The following CHD3 variants were observed in gnomAD, a reference collection of about 807,000 sequenced individuals.
The protein encoded by CHD3 is chromodomain helicase DNA binding protein 3.
A neutral mutation model predicts 248.9 loss-of-function variants in CHD3; 52 were observed. The ratio of observed to expected loss-of-function variants is 0.21; its 90% CI spans 0.17 to 0.26. The LOEUF (loss-of-function observed/expected upper bound fraction) is 0.26, where lower values mean the gene tolerates loss of function less well. Among genes scored for constraint, CHD3 ranks in the 10% least tolerant of loss-of-function variants. CHD3 has a pLI of 1.00. For synonymous variants in CHD3, 985 were observed against 985.2 expected (o/e 1.00, Z 0.00); for missense variants, 1,482 against 2,605.8 (o/e 0.57, Z 9.39).
upstream of CHD3, among the ~76,000 whole-genome samples, chr17:7,887,850 A>T (rs1189164584): frequency 3.3e-5 from 5 of 152,026 alleles, no homozygotes; most frequent in Non-Finnish European, 7.4e-5. Context: ...CGAGGTTGGG[A>T]CTTAGATTTG....
In CHD3 at chr17:7,900,848, T is replaced by G; in HGVS notation, c.2979-4T>G. ...TTCTTTTACACCCCTTTCCTGGCCT[T>G]TAGGAAATACTACAAATACATCCTG... On this transcript the variant is annotated splice_region_variant and splice_polypyrimidine_tract_variant and intron_variant, in intron 18 of 39. Coordinates refer to ENST00000330494, the MANE Select transcript of CHD3 (RefSeq NM_001005273.3). This position sits in a 1 kb window ranked among gnomAD's most constrained non-coding sequence, Gnocchi z 6.5. The G allele has an allele frequency of 6.2e-7, 1 of 1,614,004 alleles. No homozygotes were observed. Among genetic ancestry groups the G allele is most frequent in the South Asian group, 1.1e-5 (1 of 91,046 alleles).
chr17:7,891,640 C>T (rs966965690), intron 4 of CHD3, among the ~76,000 whole-genome samples: 5 of 152,076 alleles, frequency 3.3e-5, no homozygotes, highest in Admixed American at 6.6e-5. Context: ...GCAGGTGGAT[C>T]GCCTGAGGTC....
chr17:7,897,397 T>G lies in CHD3; in HGVS notation c.1919+103T>G. The G allele has an allele frequency of 2.1e-6, 2 of 963,292 alleles. No individual in the cohort carries two copies. The highest frequency in any genetic ancestry group is 3.2e-4 in the Middle Eastern group (1 of 3,122). 59.7% of individuals were successfully genotyped at this position (963,292 alleles called of 1,614,324 possible). ...TTGCTGATTAACCAGGTAATTGATC[T>G]AACCTTGATAACCTCTGCTGTAGCT... is the stretch of plus-strand genomic sequence containing the variant. On this transcript the variant is annotated intron_variant, in intron 11 of 39. Coordinates refer to ENST00000330494, the MANE Select transcript of CHD3 (RefSeq NM_001005273.3). This position sits in a 1 kb window ranked among gnomAD's most constrained non-coding sequence, Gnocchi z 4.8.
At position 7,908,239 on chromosome 17, in the gene CHD3, C is replaced by G. The variant is rs1435153689; in HGVS notation, c.5153-163C>G. Reference sequence around the variant, plus strand: ...CACCTTTATTCTTAATTCTAACGAACCTGGTTAGAACTGAGTTTGTTCCAA... The same window carrying G: ...CACCTTTATTCTTAATTCTAACGAAGCTGGTTAGAACTGAGTTTGTTCCAA... On this transcript the variant is annotated intron_variant, in intron 34 of 39. Transcript: ENST00000330494. This position sits in a 1 kb window ranked among gnomAD's most constrained non-coding sequence, Gnocchi z 5.8. Among the ~76,000 whole-genome samples, 1 of 152,204 alleles carries G rather than the reference C, an allele frequency of 6.6e-6. No homozygotes were observed. Among genetic ancestry groups the G allele is most frequent in the African/African-American group, 2.4e-5 (1 of 41,430 alleles).
In CHD3 at chr17:7,904,658, GTGA is replaced by G. The variant is rs1188764896; in HGVS notation, c.4072+46_4072+48del. Reference sequence around the variant, plus strand: ...CAGATGCAGGCAGTAAAGGGGGGAAGTGATGATGAGTAGGGACTTGAAGGCTGG... The same window carrying G: ...CAGATGCAGGCAGTAAAGGGGGGAAGTGATGAGTAGGGACTTGAAGGCTGG... On this transcript the variant is annotated intron_variant, in intron 25 of 39. Coordinates refer to ENST00000330494, the MANE Select transcript of CHD3 (RefSeq NM_001005273.3). This position sits in a 1 kb window ranked among gnomAD's most constrained non-coding sequence, Gnocchi z 4.4. 11 of 1,571,202 alleles carry G rather than the reference GTGA, an allele frequency of 7.0e-6. No homozygotes were observed. Among genetic ancestry groups the G allele is most frequent in the Non-Finnish European group, 9.6e-6 (11 of 1,146,360 alleles).
rs201309725 is a variant in CHD3 at position 7,908,459 on chromosome 17, A to G, written c.5210A>G (p.Asn1737Ser). 1.9e-5 allele frequency: 30 copies of G among 1,613,958 alleles called. No individual in the cohort carries two copies. The highest frequency in any genetic ancestry group is 1.2e-4 in the Admixed American group (7 of 60,000). The change falls in exon 35 of 40, where the codon AAT becomes AGT. Residue 1737 changes from asparagine to serine, a missense_variant. Asn to Ser is a conservative substitution (Grantham distance 46, BLOSUM62 1). This residue lies in a region of CHD3 where 36 missense variants were observed against 70.4 expected (regional missense o/e 0.51). Coordinates refer to ENST00000330494, the MANE Select transcript of CHD3 (RefSeq NM_001005273.3). The surrounding 1 kb of genome is among the most constrained non-coding windows in gnomAD (Gnocchi z 5.8). ...GCAGCTATTTCCTCGGGGAAACTCA[A>G]TGAGATCTGGCACAGAAGACATGAC... ...ERAAISSGKL[N>S]EIWHRRHDYW...
At position 7,904,954 on chromosome 17, in the gene CHD3, G is replaced by C; in HGVS notation, c.4073-146G>C. The C allele has an allele frequency of 1.4e-6, 1 of 740,126 alleles. No individual in the cohort carries two copies. The highest frequency in any genetic ancestry group is 2.3e-6 in the Non-Finnish European group (1 of 426,810). 45.8% of individuals were successfully genotyped at this position (740,126 alleles called of 1,614,324 possible). A position where few individuals can be genotyped will look rare whatever the true frequency, so the allele number is the denominator to read the frequency against. On this transcript the variant is annotated intron_variant, in intron 25 of 39. Transcript: ENST00000330494. The surrounding 1 kb of genome is among the most constrained non-coding windows in gnomAD (Gnocchi z 4.4). The stretch of plus-strand genomic sequence containing the variant: ...ATATGCGGCTCCCAAGTCAGACTTT[G>C]GGCAGTGATCTGGTGTTCCCAGAAG...
Position 7,910,830 on chromosome 17 carries a change from C to G in CHD3, c.5755-17C>G, listed in dbSNP as rs751533988. ...GACTATGAACTAACTCCAACTTCTG[C>G]TTCCTCTCTGTTCCAGGCCTACCCG... On this transcript the variant is annotated splice_polypyrimidine_tract_variant and intron_variant, in intron 38 of 39. Coordinates refer to ENST00000330494, the MANE Select transcript of CHD3 (RefSeq NM_001005273.3). The surrounding 1 kb of genome is among the most constrained non-coding windows in gnomAD (Gnocchi z 4.7). 34 of 1,584,686 alleles carry G rather than the reference C, an allele frequency of 2.1e-5. No homozygotes were observed. Among genetic ancestry groups the G allele is most frequent in the Non-Finnish European group, 2.8e-5 (33 of 1,169,670 alleles).
At position 7,904,524 on chromosome 17, in the gene CHD3, A is replaced by T. The variant is rs772543789; in HGVS notation, c.3977A>T (p.Tyr1326Phe). 4.3e-6 allele frequency: 7 copies of T among 1,614,114 alleles called. No individual in the cohort carries two copies. The East Asian group carries it at 1.3e-4, about 31-fold the overall frequency. The change falls in exon 25 of 40, where the codon TAT (tyrosine) becomes TTT (phenylalanine). Residue 1326 changes from tyrosine to phenylalanine, a missense_variant. Tyr to Phe is a conservative substitution (Grantham distance 22). Around this residue, in one of 20 missense-constraint regions of CHD3, gnomAD observed 156 missense variants for 420.3 expected, o/e 0.37. Coordinates refer to ENST00000330494, the MANE Select transcript of CHD3 (RefSeq NM_001005273.3). This position sits in a 1 kb window ranked among gnomAD's most constrained non-coding sequence, Gnocchi z 4.4. ...TGGGAGAAGCTGCTGAGGCATCACT[A>T]TGAGCAACAGCAGGAAGACCTAGCC... ...DYWEKLLRHH[Y>F]EQQQEDLARN...
At chr17:7,892,016 C>T (rs1968939911) in intron 4 of CHD3, among the ~76,000 whole-genome samples, 2 of 152,198 alleles carry the variant, frequency 1.3e-5, no homozygotes, top group Non-Finnish European at 2.9e-5. Flanking sequence ...TCAATTTCCT[C>T]TTCTATAAAC....
chr17:7,888,888 A>G lies in CHD3; in HGVS notation c.-113A>G. ...AGGGTGAGATCGGGAAACAAAGGGT[A>G]TGGCCCCCTAGTTCCCAAAGGGAGC... On this transcript the variant is annotated 5_prime_UTR_variant, in exon 1 of 40. The change abolishes an upstream ATG in the 5' untranslated region. Coordinates refer to ENST00000330494, the MANE Select transcript of CHD3 (RefSeq NM_001005273.3). 6.5e-7 allele frequency: 1 copy of G among 1,538,688 alleles called. No homozygotes were observed. The highest frequency in any genetic ancestry group is 1.3e-5 in the South Asian group (1 of 79,600).
chr17:7,905,247 G>T lies in CHD3; in HGVS notation c.4138+82G>T. On this transcript the variant is annotated intron_variant, in intron 26 of 39. Coordinates refer to ENST00000330494, the MANE Select transcript of CHD3 (RefSeq NM_001005273.3). The surrounding 1 kb of genome is among the most constrained non-coding windows in gnomAD (Gnocchi z 5.8). ...CTTTAAGCCCACTGTTTTTATACAA[G>T]TAAAAAAGTCTTCGTGTGTGTGTGG... is the stretch of plus-strand genomic sequence containing the variant. 1 of 1,318,794 alleles carries T rather than the reference G, an allele frequency of 7.6e-7. No individual in the cohort carries two copies. The allele number at this position is 1,318,794 out of a possible 1,614,324, so 81.7% of individuals were successfully genotyped here. A position where few individuals can be genotyped will look rare whatever the true frequency, so the allele number is the denominator to read the frequency against.
At chr17:7,892,359 G>A (rs984397656) in intron 4 of CHD3, among the ~76,000 whole-genome samples, 1 of 152,208 alleles carries the variant, frequency 6.6e-6, no homozygotes, top group African/African-American at 2.4e-5. Context: ...GAGTATTATT[G>A]TGAGGACAAG....
chr17:7,898,486 C>G lies in CHD3; in HGVS notation c.2052-10C>G. 2.5e-6 allele frequency: 4 copies of G among 1,607,868 alleles called. No individual in the cohort carries two copies. The highest frequency in any genetic ancestry group is 1.7e-5 in the Admixed American group (1 of 59,664). Reference sequence around the variant, plus strand: ...GGATGAGGCCTCATTCAGACCCACTCTTTTTCCAGAGAACTAATTATGGGG... The same window carrying G: ...GGATGAGGCCTCATTCAGACCCACTGTTTTTCCAGAGAACTAATTATGGGG... On this transcript the variant is annotated splice_polypyrimidine_tract_variant and intron_variant, in intron 12 of 39. Transcript: ENST00000330494.
At chr17:7,890,455 A>T (rs1322024237) in intron 2 of CHD3, 116 bp from the exon 3 acceptor site, 5 of 712,602 alleles carry the variant, frequency 7.0e-6, no homozygotes, top group Admixed American at 3.6e-5. Flanking sequence ...ATAAAAAATT[A>T]GTTACTATCA....
intron 13 of CHD3, 119 bp from the exon 14 acceptor site, chr17:7,898,892 C>T (rs1969996496): frequency 3.2e-6 from 3 of 924,898 alleles, no homozygotes; most frequent in African/African-American, 1.7e-5. Context: ...CTTTTGTAAA[C>T]TCAGGCCATA....
Position 7,890,677 on chromosome 17 carries a change from A to G in CHD3, c.320A>G (p.His107Arg). The G allele has an allele frequency of 6.2e-7, 1 of 1,605,580 alleles. No homozygotes were observed. Residue 107 changes from histidine to arginine, a missense_variant, in exon 3 of 40, where the codon CAC becomes CGC. By Grantham distance (29) the His-to-Arg change is conservative. Transcript: ENST00000330494. Reference protein sequence around the residue: ...TGPGRKRRRKHREKKEKKTKR... With the variant: ...TGPGRKRRRKRREKKEKKTKR... ...CCGGGTCGGAAACGAAGAAGGAAGC[A>G]CCGAGAAAAAAAGGAGAAGAAGACA...
Position 7,907,329 on chromosome 17 carries a change from C to T in CHD3, c.4789-24C>T. 6.2e-7 allele frequency: 1 copy of T among 1,610,024 alleles called. No homozygotes were observed. The highest frequency in any genetic ancestry group is 8.5e-7 in the Non-Finnish European group (1 of 1,177,846). On this transcript the variant is annotated intron_variant, in intron 31 of 39. Transcript: ENST00000330494. The surrounding 1 kb of genome is among the most constrained non-coding windows in gnomAD (Gnocchi z 4.3). ...GGTACCTGGGAGCCCTCTGGCTCAT[C>T]CTGACCCCATTGTCCTCTTCCAGGC... is the stretch of plus-strand genomic sequence containing the variant.
chr17:7,892,496 CTTT>C (rs34196029), intron 4 of CHD3, among the ~76,000 whole-genome samples: 2 of 112,464 alleles, frequency 1.8e-5, no homozygotes, highest in Non-Finnish European at 1.8e-5. Context: ...TTTATTTCCC[CTTT>C]TTTTTTTTTT....
Sources: allele counts gnomAD v4.1 joint callset (sites outside exome capture counted in the v4.1 genomes callset), GRCh38; gene constraint gnomAD v4.1.1; regional missense constraint gnomAD v4.1.1; non-coding constraint Gnocchi (gnomAD v3.1); transcripts MANE v1.5; gene names NCBI Gene and HGNC (gene_info 2026-07-23, HGNC 2026-07-21).